The following EPG5 variants were observed in gnomAD, a reference collection of about 807,000 sequenced individuals.
The protein encoded by EPG5 is ectopic P-granules 5 autophagy tethering factor.
In EPG5, 159 loss-of-function variants were observed where a neutral mutation model predicts 302.7. The ratio of observed to expected loss-of-function variants is 0.53; its 90% CI spans 0.46 to 0.60. The LOEUF is 0.60. Among genes scored for constraint, EPG5 ranks in the 20% least tolerant of loss-of-function variants. EPG5 has a pLI of 0.00. For missense variants in EPG5, 2,896 were observed against 3,092.4 expected (o/e 0.94, Z 1.51); for synonymous variants, 1,158 against 1,136.8 (o/e 1.02, Z -0.37).
chr18:45,909,763 C>T (rs1258439629), intron 23 of EPG5, among the ~76,000 whole-genome samples: 3 of 152,206 alleles, frequency 2.0e-5, no homozygotes, highest in Admixed American at 2.0e-4. Context: ...ATGAACCACA[C>T]TTAAAGAGCC....
At chr18:45,831,278 T>C in the EPG5 span, among the ~76,000 whole-genome samples, 3 of 152,234 alleles carry the variant, frequency 2.0e-5, no homozygotes, top group Admixed American at 1.3e-4. Context: ...AAATAGTCTC[T>C]TTGACACTGT....
chr18:45,934,325 T>C (rs2145842138), intron 11 of EPG5, among the ~76,000 whole-genome samples: 1 of 152,182 alleles, frequency 6.6e-6, no homozygotes, highest in South Asian at 2.1e-4. Context: ...AAATATCCTG[T>C]AGTTTAGAGG....
At position 45,850,369 on chromosome 18, in the gene EPG5, G is replaced by A. The variant is rs2048409647; in HGVS notation, c.*2098C>T. On this transcript the variant is annotated 3_prime_UTR_variant, in exon 44 of 44. Coordinates refer to ENST00000282041, the MANE Select transcript of EPG5 (RefSeq NM_020964.3). Reference sequence around the variant, plus strand: ...CTCTGCCGCCCTTCTTTCCCAGGAGGCTACAGCAGCATGGCCATGTCTGAA... The same window carrying A: ...CTCTGCCGCCCTTCTTTCCCAGGAGACTACAGCAGCATGGCCATGTCTGAA... 1 of 152,240 alleles carries A rather than the reference G, an allele frequency of 6.6e-6. No homozygotes were observed. 9.4% of individuals were successfully genotyped at this position (152,240 alleles called of 1,614,324 possible).
chr18:45,870,459 T>G, intron 36 of EPG5, 108 bp downstream of exon 36: 1 of 861,750 alleles, frequency 1.2e-6, no homozygotes, highest in Non-Finnish European at 1.7e-6. Context: ...AATGTATTCA[T>G]GGTCCACGCT....
intron 29 of EPG5, among the ~76,000 whole-genome samples, chr18:45,886,268 A>T (rs900469398): frequency 4.6e-5 from 7 of 152,242 alleles, no homozygotes; most frequent in African/African-American, 1.7e-4. Context: ...CCTCAGCCTG[A>T]TTGCAGCAAA....
chr18:45,867,778 T>C (rs759602478), intron 36 of EPG5, 30 bp from the exon 37 acceptor site: 1 of 1,560,438 alleles, frequency 6.4e-7, no homozygotes, highest in South Asian at 1.2e-5. Flanking sequence ...AATCATTCTG[T>C]TGCCTTGTGC....
At chr18:45,953,334 ATCATTCT>A in intron 2 of EPG5, 1 of 985,306 alleles carries the variant, frequency 1.0e-6, no homozygotes. Context: ...ATCTACCCTC[ATCATTCT>A]TCATAGTTCT....
At chr18:45,843,255 A>T (rs1187002612), downstream of EPG5, 1 of 152,348 alleles carries the variant, frequency 6.6e-6, no homozygotes, top group Non-Finnish European at 1.5e-5. Flanking sequence ...CCTTTGCCCT[A>T]ACGCGGGCAG....
At chr18:45,838,047 G>A in the EPG5 span, 2 of 1,060,876 alleles carry the variant, frequency 1.9e-6, no homozygotes, top group South Asian at 3.8e-5. Flanking sequence ...TCACACCTGG[G>A]GGTAGTTTAG....
chr18:45,806,780 G>A, the EPG5 span, among the ~76,000 whole-genome samples: 1 of 152,204 alleles, frequency 6.6e-6, no homozygotes, highest in African/African-American at 2.4e-5. Context: ...CAGAAGGGCA[G>A]CCAGAGGCAC....
chr18:45,908,624 CAAG>C, intron 23 of EPG5, among the ~76,000 whole-genome samples: 2 of 152,230 alleles, frequency 1.3e-5, no homozygotes, highest in African/African-American at 4.8e-5. Flanking sequence ...CCCCTCTCAT[CAAG>C]AAGGAATAAA....
the EPG5 span, among the ~76,000 whole-genome samples, chr18:45,827,747 G>A: frequency 6.6e-6 from 1 of 152,214 alleles, no homozygotes; most frequent in Non-Finnish European, 1.5e-5. Context: ...CCTTGCCAAA[G>A]TCACAGCGTT....
At position 45,944,078 on chromosome 18, in the gene EPG5, A is replaced by G. The variant is rs764693845; in HGVS notation, c.1719T>C (p.Asp573=). The G allele has an allele frequency of 1.9e-6, 3 of 1,614,020 alleles. No individual in the cohort carries two copies. The East Asian group carries it at 6.7e-5, about 36-fold the overall frequency. ...ACTGTGCTAAAATGGTAACCAAATC[A>G]TCTTCATTAAGGAGAATCCAACTGG... The part of the protein sequence containing the change: ...PETSWILLNE[D]DLVTILAQFP... The change falls in exon 8 of 44, where the codon GAT becomes GAC. Residue 573 remains aspartate (D), a synonymous_variant. Transcript: ENST00000282041.
chr18:45,944,579 A>T (rs2145916401), intron 7 of EPG5, among the ~76,000 whole-genome samples: 1 of 152,238 alleles, frequency 6.6e-6, no homozygotes, highest in South Asian at 2.1e-4. Flanking sequence ...ACATGGTGAA[A>T]CCCCATCTCT....
the EPG5 span, among the ~76,000 whole-genome samples, chr18:45,818,224 T>C: frequency 2.6e-4 from 39 of 152,074 alleles, no homozygotes; most frequent in Non-Finnish European, 3.4e-4. Flanking sequence ...CAGTTGTCTA[T>C]TATAGCAAAA....
the EPG5 span, among the ~76,000 whole-genome samples, chr18:45,810,836 G>T: frequency 6.6e-6 from 1 of 152,142 alleles, no homozygotes. Flanking sequence ...GGATTTCATA[G>T]CAGGGATGTA....
At chr18:45,953,955 T>C (rs12454420) in intron 2 of EPG5, 77,247 of 983,068 alleles carry the variant, frequency 0.079, 4,308 homozygotes, top group East Asian at 0.29. Flanking sequence ...CACAAACTAA[T>C]GACCCATGGG....
intron 32 of EPG5, among the ~76,000 whole-genome samples, chr18:45,879,872 T>G (rs1330114343): frequency 1.3e-5 from 2 of 152,066 alleles, no homozygotes; most frequent in Non-Finnish European, 2.9e-5. Context: ...GCCCTTGTCT[T>G]GGATACATGG....
intron 16 of EPG5, 149 bp downstream of exon 16, chr18:45,922,192 C>T: frequency 1.0e-6 from 1 of 986,276 alleles, no homozygotes; most frequent in South Asian, 1.7e-5. Flanking sequence ...AGCATCTCCC[C>T]TTGATAAGCT....
Sources: gnomAD v4.1 joint callset for allele counts (sites outside exome capture counted in the v4.1 genomes callset) on GRCh38, gnomAD v4.1.1 for gene constraint, MANE v1.5 for transcripts, NCBI Gene and HGNC (gene_info 2026-07-23, HGNC 2026-07-21) for gene names.